The following GP5 variants were observed in gnomAD, a reference collection of about 807,000 sequenced individuals.
The protein encoded by GP5 is platelet glycoprotein V.
For missense variants in GP5, 755 were observed against 737.1 expected, an observed-to-expected ratio of 1.02 and a Z score of -0.28; for synonymous variants, 382 against 353.9, an observed-to-expected ratio of 1.08 and a Z score of -0.89.
At chr3:194,398,700 A>C (rs149056532) in intron 1 of GP5, among the ~76,000 whole-genome samples, 1 of 152,230 alleles carries the variant, frequency 6.6e-6, no homozygotes, top group Non-Finnish European at 1.5e-5. Flanking sequence ...AGGGAACAGC[A>C]AAGTCTGCAG....
rs771813293 is a variant in GP5 at position 194,397,413 on chromosome 3, C to A, written c.870G>T (p.Gly290=). ...GGTTCAGCCACAGCTCCTGCAGGCC[C>A]CCCATCTCCCCGAAGAGCACCCCCG... ...ELPGVLFGEM[G]GLQELWLNRT... Residue 290 remains glycine, a synonymous_variant, in exon 2 of 2, where the codon GGG becomes GGT. Coordinates refer to ENST00000692618, the MANE Select transcript of GP5 (RefSeq NM_004488.2). The surrounding 1 kb of genome is among the most constrained non-coding windows in gnomAD (Gnocchi z 7.2). 1.9e-5 allele frequency: 30 copies of A among 1,612,454 alleles called. No individual in the cohort carries two copies. Among genetic ancestry groups the A allele is most frequent in the Non-Finnish European group, 2.5e-5 (30 of 1,179,750 alleles).
rs1334106296 is a variant in GP5, at chr3:194,398,234, G to A, written c.49C>T (p.Gln17Ter). The A allele has an allele frequency of 1.2e-6, 2 of 1,611,374 alleles. No individual in the cohort carries two copies. Among genetic ancestry groups the A allele is most frequent in the Non-Finnish European group, 8.5e-7 (1 of 1,178,880 alleles). Residue 17 changes from glutamine (Q) to a stop codon, truncating the protein, a stop_gained, in exon 2 of 2, where the codon CAG becomes TAG. Coordinates refer to ENST00000692618, the MANE Select transcript of GP5 (RefSeq NM_004488.2). LOFTEE classifies it low-confidence loss of function (END_TRUNC). ...CAAGCTGGCGGACAGGGGAAGGGCT[G>A]GGCGCGCAGAAGCCCGAGCACCGCG... ...LCAVLGLLRA[Q>*]PFPCPPACKC...
In GP5 at chr3:194,396,829, T is replaced by A; in HGVS notation, c.1454A>T (p.Asp485Val). Residue 485 changes from aspartate (D) to valine (V), a missense_variant, in exon 2 of 2, where the codon GAC becomes GTC. Asp to Val is a radical substitution (Grantham distance 152). Transcript: ENST00000692618. The stretch of plus-strand genomic sequence containing the variant: ...GTGGACAGGGGCTTCCGAGGAGCTG[T>A]CCGCAGCGGGGCGGGGAGGCGGGCC... ...PRGPPPRPAADSSSEAPVHPA... is the reference protein window; with the variant it reads ...PRGPPPRPAAVSSSEAPVHPA... 6.3e-7 allele frequency: 1 copy of A among 1,584,226 alleles called. No homozygotes were observed. The highest frequency in any genetic ancestry group is 1.1e-5 in the South Asian group (1 of 87,194).
rs1019963189 is a variant in GP5, at chr3:194,395,186, C to A, written c.*1414G>T. On this transcript the variant is annotated 3_prime_UTR_variant, in exon 2 of 2. Transcript: ENST00000692618. ...AGAGAATGTAAGCAGGTGTCTTACC[C>A]AAAGTCCCATGCAGTTAGTAAGTGG... The A allele has an allele frequency of 6.6e-6, 1 of 152,210 alleles. No homozygotes were observed. Among genetic ancestry groups the A allele is most frequent in the Non-Finnish European group, 1.5e-5 (1 of 68,038 alleles). The allele number at this position is 152,210 out of a possible 1,614,324, so 9.4% of individuals were successfully genotyped here.
At position 194,396,892 on chromosome 3, in the gene GP5, G is replaced by A. The variant is rs1714472900; in HGVS notation, c.1391C>T (p.Ala464Val). Residue 464 changes from alanine (A) to valine (V), a missense_variant, in exon 2 of 2, where the codon GCC becomes GTC. By Grantham distance (64) the Ala-to-Val change is moderately conservative. Coordinates refer to ENST00000692618, the MANE Select transcript of GP5 (RefSeq NM_004488.2). ...GCACTCCGCGTCACCCCCCGGCAGGGCCCAGAGCGGCAGGCCGGCGTGCGC... is the reference window on the plus strand; with the variant it reads ...GCACTCCGCGTCACCCCCCGGCAGGACCCAGAGCGGCAGGCCGGCGTGCGC... The part of the protein sequence containing the change: ...PGAHAGLPLW[A>V]LPGGDAECPG... 4 of 1,534,326 alleles carry A rather than the reference G, an allele frequency of 2.6e-6. No homozygotes were observed. The highest frequency in any genetic ancestry group is 2.5e-5 in the South Asian group (2 of 80,954).
rs770248104 is a variant in GP5, at chr3:194,397,993, A to C, written c.290T>G (p.Leu97Arg). 6.2e-7 allele frequency: 1 copy of C among 1,614,108 alleles called. No homozygotes were observed. Among genetic ancestry groups the C allele is most frequent in the East Asian group, 2.2e-5 (1 of 44,886 alleles). ...SAVAPGTFSD[L>R]IKLKTLRLSR... ...CAGCCTCAGGGTTTTCAGTTTTATC[A>C]GGTCACTGAAGGTGCCGGGGGCAAC... The change falls in exon 2 of 2, where the codon CTG becomes CGG. Residue 97 changes from leucine (L) to arginine (R), a missense_variant. Leu to Arg is a moderately radical substitution (Grantham distance 102). Coordinates refer to ENST00000692618, the MANE Select transcript of GP5 (RefSeq NM_004488.2). This position sits in a 1 kb window ranked among gnomAD's most constrained non-coding sequence, Gnocchi z 7.2.
rs1199772202 is a variant in GP5 at position 194,396,646 on chromosome 3, A to G, written c.1637T>C (p.Ile546Thr). 4 of 1,613,008 alleles carry G rather than the reference A, an allele frequency of 2.5e-6. No individual in the cohort carries two copies. The highest frequency in any genetic ancestry group is 1.1e-5 in the South Asian group (1 of 91,024). ...TVIIVFAMIK[I>T]GQLFRKLIRE... ...GATTAATTTTCGAAAGAGTTGGCCA[A>G]TTTTAATCATAGCAAACACGATGAT... Residue 546 changes from isoleucine to threonine, a missense_variant, in exon 2 of 2, where the codon ATT (isoleucine) becomes ACT (threonine). Coordinates refer to ENST00000692618, the MANE Select transcript of GP5 (RefSeq NM_004488.2).
Position 194,396,533 on chromosome 3 carries a change from G to A in GP5, c.*67C>T, listed in dbSNP as rs897141195. The A allele has an allele frequency of 7.6e-6, 10 of 1,308,650 alleles. No individual in the cohort carries two copies. Among genetic ancestry groups the A allele is most frequent in the African/African-American group, 7.4e-5 (5 of 67,542 alleles). 81.1% of individuals were successfully genotyped at this position (1,308,650 alleles called of 1,614,324 possible). A position where few individuals can be genotyped will look rare whatever the true frequency, so the allele number is the denominator to read the frequency against. On this transcript the variant is annotated 3_prime_UTR_variant, in exon 2 of 2. Transcript: ENST00000692618. The stretch of plus-strand genomic sequence containing the variant: ...AGGGGAGGGAGAGCAAGACAGCAGC[G>A]GGTCTGGATTCCCCTCCGAGCCACA...
In GP5 at chr3:194,396,787, T is replaced by C; in HGVS notation, c.1496A>G (p.Asn499Ser). 2 of 1,612,636 alleles carry C rather than the reference T, an allele frequency of 1.2e-6. No individual in the cohort carries two copies. Among genetic ancestry groups the C allele is most frequent in the East Asian group, 2.2e-5 (1 of 44,784 alleles). ...GGCCCACACCCAGGGTTCTGAGCTG[T>C]TGGGAGCCAAGGCTGGGTGGACAGG... is the stretch of plus-strand genomic sequence containing the variant. The part of the protein sequence containing the change: ...EAPVHPALAP[N>S]SSEPWVWAQP... Residue 499 changes from asparagine (N) to serine (S), a missense_variant, in exon 2 of 2, where the codon AAC becomes AGC. Coordinates refer to ENST00000692618, the MANE Select transcript of GP5 (RefSeq NM_004488.2).
chr3:194,395,586 G>A lies in GP5; in HGVS notation c.*1014C>T, dbSNP rs1467563262. On this transcript the variant is annotated 3_prime_UTR_variant, in exon 2 of 2. Coordinates refer to ENST00000692618, the MANE Select transcript of GP5 (RefSeq NM_004488.2). ...GGCTCCGTGTTTTCTTCCTCTCTCAGCCTCACAGAAGTCGCTTATCCTGAA... is the reference window on the plus strand; with the variant it reads ...GGCTCCGTGTTTTCTTCCTCTCTCAACCTCACAGAAGTCGCTTATCCTGAA... 2 of 152,384 alleles carry A rather than the reference G, an allele frequency of 1.3e-5. No homozygotes were observed. Among genetic ancestry groups the A allele is most frequent in the Admixed American group, 6.5e-5 (1 of 15,314 alleles). 9.4% of individuals were successfully genotyped at this position (152,384 alleles called of 1,614,324 possible).
In GP5 at chr3:194,396,299, A is replaced by C; in HGVS notation, c.*301T>G. The stretch of plus-strand genomic sequence containing the variant: ...TCCAACACAGTCCAGCGCCCCCGGC[A>C]GTGTCAGCGCACACCCGCGTGGGAG... On this transcript the variant is annotated 3_prime_UTR_variant, in exon 2 of 2. Transcript: ENST00000692618. The C allele has an allele frequency of 3.0e-6, 1 of 334,782 alleles. No individual in the cohort carries two copies. The highest frequency in any genetic ancestry group is 5.6e-6 in the Non-Finnish European group (1 of 179,846). The allele number at this position is 334,782 out of a possible 1,614,324, so 20.7% of individuals were successfully genotyped here.
Position 194,396,813 on chromosome 3 carries a change from G to A in GP5, c.1470C>T (p.Ala490=). 6.2e-7 allele frequency: 1 copy of A among 1,605,064 alleles called. No individual in the cohort carries two copies. The highest frequency in any genetic ancestry group is 8.5e-7 in the Non-Finnish European group (1 of 1,175,758). The change falls in exon 2 of 2, where the codon GCC becomes GCT. Residue 490 remains alanine, a synonymous_variant. Coordinates refer to ENST00000692618, the MANE Select transcript of GP5 (RefSeq NM_004488.2). ...PRPAADSSSE[A]PVHPALAPNS... is the part of the protein sequence containing the mutation. The stretch of plus-strand genomic sequence containing the variant: ...TGGGAGCCAAGGCTGGGTGGACAGG[G>A]GCTTCCGAGGAGCTGTCCGCAGCGG...
In GP5 at chr3:194,396,929, C is replaced by T. The variant is rs1714474207; in HGVS notation, c.1354G>A (p.Ala452Thr). 1.3e-6 allele frequency: 2 copies of T among 1,530,544 alleles called. No homozygotes were observed. The highest frequency in any genetic ancestry group is 1.2e-5 in the South Asian group (1 of 82,266). The allele number at this position is 1,530,544 out of a possible 1,614,324, so 94.8% of individuals were successfully genotyped here. The change falls in exon 2 of 2, where the codon GCA (alanine) becomes ACA (threonine). Residue 452 changes from alanine to threonine, a missense_variant. By Grantham distance (58) the Ala-to-Thr change is moderately conservative. Coordinates refer to ENST00000692618, the MANE Select transcript of GP5 (RefSeq NM_004488.2). The part of the protein sequence containing the change: ...LVGGEEPPRC[A>T]GPGAHAGLPL... The stretch of plus-strand genomic sequence containing the variant: ...AGGCCGGCGTGCGCCCCAGGGCCTG[C>T]GCACCGTGGGGGCTCTTCCCCGCCC...
In GP5 at chr3:194,397,097, G is replaced by A; in HGVS notation, c.1186C>T (p.His396Tyr). Residue 396 changes from histidine (H) to tyrosine (Y), a missense_variant, in exon 2 of 2, where the codon CAC becomes TAC. Transcript: ENST00000692618. This position sits in a 1 kb window ranked among gnomAD's most constrained non-coding sequence, Gnocchi z 7.2. ...LSSLESVQLD[H>Y]NQLETLPGDV... ...CCAGGCAGGGTCTCCAGCTGGTTGT[G>A]GTCGAGCTGGACGCTCTCCAGGCTG... 1 of 1,593,668 alleles carries A rather than the reference G, an allele frequency of 6.3e-7. No homozygotes were observed. Among genetic ancestry groups the A allele is most frequent in the South Asian group, 1.1e-5 (1 of 90,052 alleles).
Position 194,396,994 on chromosome 3 carries a change from C to G in GP5, c.1289G>C (p.Gly430Ala). The change falls in exon 2 of 2, where the codon GGG becomes GCG. Residue 430 changes from glycine (G) to alanine (A), a missense_variant. Gly to Ala is a moderately conservative substitution (Grantham distance 60). Coordinates refer to ENST00000692618, the MANE Select transcript of GP5 (RefSeq NM_004488.2). ...HNSWRCDCGLGPFLGWLRQHL... is the reference protein window; with the variant it reads ...HNSWRCDCGLAPFLGWLRQHL... The stretch of plus-strand genomic sequence containing the variant: ...CTGCCGCAGCCACCCCAGGAAGGGC[C>G]CCAGGCCACAGTCGCAGCGCCAGGA... 6.3e-7 allele frequency: 1 copy of G among 1,593,176 alleles called. No homozygotes were observed. The highest frequency in any genetic ancestry group is 8.5e-7 in the Non-Finnish European group (1 of 1,176,426).
rs774925410 is a variant in GP5 at position 194,398,162 on chromosome 3, C to G, written c.121G>C (p.Ala41Pro). The stretch of plus-strand genomic sequence containing the variant: ...GGCAGGCCTAGCGCGGAGATGCGCG[C>G]CACGTCGCCCCCCGAGCACTGCGCG... Reference protein sequence around the residue: ...DAAQCSGGDVARISALGLPTN... With the variant: ...DAAQCSGGDVPRISALGLPTN... The change falls in exon 2 of 2, where the codon GCG becomes CCG. Residue 41 changes from alanine (A) to proline (P), a missense_variant. Coordinates refer to ENST00000692618, the MANE Select transcript of GP5 (RefSeq NM_004488.2). The G allele has an allele frequency of 6.2e-7, 1 of 1,612,850 alleles. No homozygotes were observed. The highest frequency in any genetic ancestry group is 1.1e-5 in the South Asian group (1 of 91,032).
rs776902005 is a variant in GP5, at chr3:194,397,415, C to T, written c.868G>A (p.Gly290Arg). ...ELPGVLFGEM[G>R]GLQELWLNRT... ...TTCAGCCACAGCTCCTGCAGGCCCCCCATCTCCCCGAAGAGCACCCCCGGG... is the reference window on the plus strand; with the variant it reads ...TTCAGCCACAGCTCCTGCAGGCCCCTCATCTCCCCGAAGAGCACCCCCGGG... Residue 290 changes from glycine (G) to arginine (R), a missense_variant, in exon 2 of 2, where the codon GGG becomes AGG. Coordinates refer to ENST00000692618, the MANE Select transcript of GP5 (RefSeq NM_004488.2). This position sits in a 1 kb window ranked among gnomAD's most constrained non-coding sequence, Gnocchi z 7.2. The T allele has an allele frequency of 1.5e-5, 24 of 1,613,026 alleles. No homozygotes were observed. Among genetic ancestry groups the T allele is most frequent in the Non-Finnish European group, 2.0e-5 (24 of 1,179,942 alleles).
At chr3:194,399,211 A>G (rs2108673020) in intron 1 of GP5, among the ~76,000 whole-genome samples, 27 bp downstream of exon 1, 1 of 152,312 alleles carries the variant, frequency 6.6e-6, no homozygotes, top group East Asian at 1.9e-4. Context: ...AATTTCCTAT[A>G]CTAATGTTTA....
In GP5 at chr3:194,397,049, G is replaced by A; in HGVS notation, c.1234C>T (p.Arg412Trp). 1.3e-6 allele frequency: 2 copies of A among 1,597,080 alleles called. No homozygotes were observed. Among genetic ancestry groups the A allele is most frequent in the Non-Finnish European group, 1.7e-6 (2 of 1,178,714 alleles). ...TGCCCCAACAGGACCTCCGTCAGCC[G>A]GGGCAGAGCCCCAAACACGTCGCCA... ...LPGDVFGALP[R>W]LTEVLLGHNS... Residue 412 changes from arginine (R) to tryptophan (W), a missense_variant, in exon 2 of 2, where the codon CGG (arginine) becomes TGG (tryptophan). Arg to Trp is a moderately radical substitution (Grantham distance 101, BLOSUM62 -3). Coordinates refer to ENST00000692618, the MANE Select transcript of GP5 (RefSeq NM_004488.2). The surrounding 1 kb of genome is among the most constrained non-coding windows in gnomAD (Gnocchi z 7.2).
Sources: gnomAD v4.1 joint callset for allele counts (sites outside exome capture counted in the v4.1 genomes callset) on GRCh38, gnomAD v4.1.1 for gene constraint, Gnocchi (gnomAD v3.1) non-coding constraint, MANE v1.5 for transcripts, NCBI Gene and HGNC (gene_info 2026-07-23, HGNC 2026-07-21) for gene names.